The following EXOC4 variants were observed in gnomAD, a reference collection of about 807,000 sequenced individuals.
EXOC4 encodes the protein exocyst complex component 4.
Under a neutral mutation model 107.2 loss-of-function variants are expected in EXOC4, and 71 were observed. That is an observed-to-expected ratio of 0.66 (90% CI 0.55 to 0.81). The LOEUF (loss-of-function observed/expected upper bound fraction) is 0.81. Among genes scored for constraint, EXOC4 ranks in the 30% least tolerant of loss-of-function variants. EXOC4 has a pLI of 0.00. For missense variants in EXOC4, 1,108 were observed against 1,189.6 expected (o/e 0.93, Z 1.01); for synonymous variants, 456 against 441.2 (o/e 1.03, Z -0.42).
intron 1 of EXOC4, among the ~76,000 whole-genome samples, chr7:133,260,999 C>T (rs10215367): frequency 0.67 from 102,020 of 151,980 alleles, 36,279 homozygotes; most frequent in African/African-American, 0.91. Context: ...TAATCTCTTG[C>T]TAATCCTATC....
chr7:133,374,991 GAT>G lies in EXOC4; in HGVS notation c.1172_1173del (p.Asp391GlyfsTer8). On this transcript the variant is annotated frameshift_variant, in exon 7 of 18. Coordinates refer to ENST00000253861, the MANE Select transcript of EXOC4 (RefSeq NM_021807.4). LOFTEE classifies it high-confidence loss of function. ...DMADVWVKIQDVLQMLLTEYL... is the reference protein window; with the variant it reads ...DMADVWVKIQXVLQMLLTEYL... ...GGCAGATGTATGGGTGAAGATCCAA[GAT>G]GTTCTACAGGTAAGAGCCTTTTACA... 6.2e-7 allele frequency: 1 copy of G among 1,613,432 alleles called. No individual in the cohort carries two copies. Among genetic ancestry groups the G allele is most frequent in the South Asian group, 1.1e-5 (1 of 91,032 alleles).
chr7:134,025,456 C>T (rs1334511765), intron 17 of EXOC4, among the ~76,000 whole-genome samples: 2 of 152,192 alleles, frequency 1.3e-5, no homozygotes, highest in African/African-American at 4.8e-5. Context: ...AAACAACAAC[C>T]ATTATATGAG....
Position 133,991,511 on chromosome 7 carries a change from A to T in EXOC4, c.2207-5981A>T, listed in dbSNP as rs373262682. 3.9e-5 allele frequency among the ~76,000 whole-genome samples: 6 copies of T among 152,280 alleles called. No homozygotes were observed. The East Asian group carries it at 1.2e-3, about 29-fold the overall frequency. ...TGCCTGTGCTTTTGAGGTCTTACCC[A>T]AAAATCTTTGCCCATATCAATGTCC... On this transcript the variant is annotated intron_variant, in intron 14 of 17. Transcript: ENST00000253861.
rs1363705453 is a variant in EXOC4, at chr7:133,323,995, G to A, written c.763+6605G>A. Among the ~76,000 whole-genome samples the A allele has an allele frequency of 3.3e-5, 5 of 152,268 alleles. No homozygotes were observed. In the East Asian group the frequency reaches 9.7e-4, roughly 29 times the overall value. ...TTCTTCTAGATTTTCTAGTTTATTT[G>A]CATAGAGGTGTTTATAGTATTCTCT... On this transcript the variant is annotated intron_variant, in intron 5 of 17. Coordinates refer to ENST00000253861, the MANE Select transcript of EXOC4 (RefSeq NM_021807.4).
At chr7:133,507,676 TG>T (rs1373968620) in intron 9 of EXOC4, among the ~76,000 whole-genome samples, 1 of 152,212 alleles carries the variant, frequency 6.6e-6, no homozygotes, top group Non-Finnish European at 1.5e-5. Flanking sequence ...TGAACATGAC[TG>T]GAAGAATTTT....
chr7:133,965,925 A>G (rs1801055854), intron 14 of EXOC4, among the ~76,000 whole-genome samples: 1 of 152,170 alleles, frequency 6.6e-6, no homozygotes, highest in Admixed American at 6.5e-5. Context: ...CAGTATGGCC[A>G]TTTTCACAGT....
chr7:133,547,640 A>G (rs1040467473), intron 9 of EXOC4, among the ~76,000 whole-genome samples: 3 of 152,200 alleles, frequency 2.0e-5, no homozygotes, highest in South Asian at 2.1e-4. Context: ...TGTCATTTCA[A>G]CAGTGTCCAC....
In EXOC4 at chr7:133,695,807, C is replaced by G. The variant is rs527744050; in HGVS notation, c.1514+65666C>G. Among the ~76,000 whole-genome samples the G allele has an allele frequency of 5.9e-5, 9 of 152,240 alleles. No homozygotes were observed. The South Asian group carries it at 1.9e-3, about 32-fold the overall frequency. ...ATTTGAAATGGAATTCCAGAGGCAT[C>G]TGAATTATGCTTATCCTAACAATTA... On this transcript the variant is annotated intron_variant, in intron 10 of 17. Coordinates refer to ENST00000253861, the MANE Select transcript of EXOC4 (RefSeq NM_021807.4).
intron 11 of EXOC4, among the ~76,000 whole-genome samples, chr7:133,840,656 T>A (rs1272938597): frequency 6.6e-6 from 1 of 151,972 alleles, no homozygotes. Context: ...CTATTTTTTG[T>A]ATTTTTAGTA....
intron 10 of EXOC4, among the ~76,000 whole-genome samples, chr7:133,750,212 G>C (rs1217248566): frequency 6.6e-6 from 1 of 151,954 alleles, no homozygotes; most frequent in Non-Finnish European, 1.5e-5. Context: ...TTTCCCTGAA[G>C]ACTCTGGATT....
intron 9 of EXOC4, among the ~76,000 whole-genome samples, chr7:133,590,446 C>T (rs1400199624): frequency 1.4e-4 from 22 of 152,056 alleles, no homozygotes; most frequent in Admixed American, 1.4e-3. Context: ...CAAGCCTGAA[C>T]CTGCAGCCCA....
chr7:133,983,359 A>G (rs930099691), intron 14 of EXOC4, among the ~76,000 whole-genome samples: 8 of 152,204 alleles, frequency 5.3e-5, no homozygotes, highest in Admixed American at 6.5e-5. Flanking sequence ...ATCCAAATTT[A>G]TGAGTGATGC....
At chr7:133,766,959 A>G (rs77736186) in intron 10 of EXOC4, among the ~76,000 whole-genome samples, 2,412 of 151,984 alleles carry the variant, frequency 0.016, 61 homozygotes, top group African/African-American at 0.055. Context: ...CTCTACAGAT[A>G]TCTTCTTCCT....
At chr7:134,053,709 A>C (rs905107281) in intron 17 of EXOC4, among the ~76,000 whole-genome samples, 4 of 151,870 alleles carry the variant, frequency 2.6e-5, no homozygotes, top group African/African-American at 7.2e-5. Context: ...TAAGGTGGTC[A>C]GGGAAAACCT....
chr7:133,443,827 G>A (rs1173003659), intron 7 of EXOC4, among the ~76,000 whole-genome samples: 2 of 152,172 alleles, frequency 1.3e-5, no homozygotes, highest in African/African-American at 4.8e-5. Flanking sequence ...TAGTGCTTAA[G>A]TGTTGGCTTC....
intron 5 of EXOC4, among the ~76,000 whole-genome samples, chr7:133,332,512 G>A (rs1384848819): frequency 6.6e-6 from 1 of 152,194 alleles, no homozygotes; most frequent in Non-Finnish European, 1.5e-5. Context: ...CTACTCAGGA[G>A]GCTGAGGCAG....
At chr7:133,623,198 C>T (rs963974789) in intron 9 of EXOC4, among the ~76,000 whole-genome samples, 32 of 151,430 alleles carry the variant, frequency 2.1e-4, no homozygotes, top group South Asian at 4.2e-4. Flanking sequence ...AAGTATAACG[C>T]GAGAGCTACA....
At chr7:133,509,079 G>A (rs1049314830) in intron 9 of EXOC4, among the ~76,000 whole-genome samples, 2 of 152,086 alleles carry the variant, frequency 1.3e-5, no homozygotes, top group African/African-American at 4.8e-5. Context: ...TAAGGTGGCA[G>A]TGTTTCCAGT....
chr7:133,790,730 A>C (rs1796684815), intron 10 of EXOC4, among the ~76,000 whole-genome samples: 1 of 152,272 alleles, frequency 6.6e-6, no homozygotes, highest in Non-Finnish European at 1.5e-5. Context: ...GTTCCATGAA[A>C]CAAACCTTTC....
Sources: allele counts gnomAD v4.1 joint callset (sites outside exome capture counted in the v4.1 genomes callset), GRCh38; gene constraint gnomAD v4.1.1; transcripts MANE v1.5; gene names NCBI Gene and HGNC (gene_info 2026-07-23, HGNC 2026-07-21).